Variants in SUN3 observed in about 807,000 individuals in gnomAD.
SUN3 encodes SUN domain-containing protein 3.
Under a neutral mutation model 48.2 loss-of-function variants are expected in SUN3, and 36 were observed. That is an observed-to-expected ratio of 0.75 (90% CI 0.57 to 0.99). The LOEUF (loss-of-function observed/expected upper bound fraction) is 0.99, where lower values mean the gene tolerates loss of function less well. SUN3 is among the 50% of genes least tolerant of loss of function. SUN3 has a pLI of 0.00. For synonymous variants in SUN3, 148 were observed against 147.9 expected, an observed-to-expected ratio of 1.00 and a Z score of 0.00; for missense variants, 419 against 433.1, an observed-to-expected ratio of 0.97 and a Z score of 0.29.
chr7:48,017,020 T>C (rs1789833209), intron 3 of SUN3, among the ~76,000 whole-genome samples: 1 of 152,218 alleles, frequency 6.6e-6, no homozygotes, highest in Admixed American at 6.5e-5. Context: ...AGAGCTCTTA[T>C]GACCCAATCA....
chr7:47,987,434 AT>A lies in SUN3; in HGVS notation c.969del (p.Glu323AspfsTer6). The A allele has an allele frequency of 6.4e-7, 1 of 1,568,844 alleles. No individual in the cohort carries two copies. Among genetic ancestry groups the A allele is most frequent in the Non-Finnish European group, 8.6e-7 (1 of 1,161,188 alleles). On this transcript the variant is annotated frameshift_variant, in exon 10 of 10. Transcript: ENST00000297325. LOFTEE classifies it high-confidence loss of function. ...ATATTAAGTTTCACACATAATAAAT[AT>A]TCAGAAACTGCATGCTGAAAATAAA... is the stretch of plus-strand genomic sequence containing the variant. Reference protein sequence around the residue: ...QTFELQHAVSEYLLCVKLNIF... With the variant: ...QTFELQHAVSXYLLCVKLNIF...
At position 47,988,809 on chromosome 7, in the gene SUN3, G is replaced by A. The variant is rs141242845; in HGVS notation, c.933C>T (p.Thr311=). 14 of 1,604,912 alleles carry A rather than the reference G, an allele frequency of 8.7e-6. No individual in the cohort carries two copies. The highest frequency in any genetic ancestry group is 1.7e-5 in the Admixed American group (1 of 59,020). Residue 311 remains threonine, a synonymous_variant, in exon 9 of 10, where the codon ACC becomes ACT. Coordinates refer to ENST00000297325, the MANE Select transcript of SUN3 (RefSeq NM_001030019.2). ...GQFIYNKTGT[T]VQTFELQHAV... ...TTACCTGGAGTTCAAATGTTTGAAC[G>A]GTGGTTCCTGTTTTGTTATATATAA...
chr7:48,004,905 C>T (rs1915961), intron 6 of SUN3, among the ~76,000 whole-genome samples: 9 of 152,274 alleles, frequency 5.9e-5, no homozygotes, highest in Non-Finnish European at 8.8e-5. Flanking sequence ...GAATTTTGTC[C>T]GGATTTTTTC....
intron 2 of SUN3, among the ~76,000 whole-genome samples, chr7:48,024,894 G>A (rs1790093993): frequency 1.3e-5 from 2 of 152,114 alleles, no homozygotes; most frequent in African/African-American, 4.8e-5. Context: ...CTTCCATTAG[G>A]CCCCCACCTG....
intron 3 of SUN3, among the ~76,000 whole-genome samples, chr7:48,009,515 G>A (rs1017063871): frequency 1.3e-5 from 2 of 152,126 alleles, no homozygotes; most frequent in African/African-American, 4.8e-5. Flanking sequence ...GAGCTCTTTG[G>A]GCTTGTCCCT....
intron 6 of SUN3, among the ~76,000 whole-genome samples, chr7:47,999,472 T>C (rs985117732): frequency 6.6e-6 from 1 of 152,128 alleles, no homozygotes; most frequent in Non-Finnish European, 1.5e-5. Flanking sequence ...TCTCTTTCTC[T>C]CCCAGTTTTT....
chr7:48,035,740 G>GGACC, the SUN3 span: 1 of 584,058 alleles, frequency 1.7e-6, no homozygotes, highest in South Asian at 2.0e-5. The surrounding 1 kb of genome is among the most constrained non-coding windows in gnomAD (Gnocchi z 4.0). Context: ...TGGAGGGAGG[G>GGACC]GACCACCTTG....
chr7:48,023,984 T>C (rs1790068344), intron 2 of SUN3, among the ~76,000 whole-genome samples: 2 of 152,208 alleles, frequency 1.3e-5, no homozygotes, highest in Non-Finnish European at 1.5e-5. Context: ...CAAAGATTCC[T>C]ATAGGGAAAG....
intron 2 of SUN3, among the ~76,000 whole-genome samples, chr7:48,023,315 G>A (rs529332961): frequency 6.6e-6 from 1 of 152,102 alleles, no homozygotes; most frequent in Admixed American, 6.5e-5. Context: ...AATAGGAGCA[G>A]AGTATTTGCA....
At chr7:48,031,295 T>C (rs920978709), upstream of SUN3, among the ~76,000 whole-genome samples, 5 of 152,200 alleles carry the variant, frequency 3.3e-5, no homozygotes, top group Admixed American at 6.5e-5. Flanking sequence ...TCAACATCAT[T>C]AATCATCAGG....
At chr7:48,026,293 A>C (rs922098659) in intron 1 of SUN3, among the ~76,000 whole-genome samples, 1 of 147,398 alleles carries the variant, frequency 6.8e-6, no homozygotes, top group African/African-American at 2.4e-5. Context: ...ACTAGCTACA[A>C]AAAAAGAAAA....
At chr7:47,988,963 T>C (rs1361405451) in intron 8 of SUN3, 83 bp from the exon 9 acceptor site, 2 of 767,838 alleles carry the variant, frequency 2.6e-6, no homozygotes, top group Non-Finnish European at 2.2e-6. Flanking sequence ...TCACCAAATA[T>C]CTCTGTGTGT....
chr7:48,028,993 ATTC>A lies in SUN3; in HGVS notation c.-58_-56del. 1 of 1,607,146 alleles carries A rather than the reference ATTC, an allele frequency of 6.2e-7. No individual in the cohort carries two copies. Among genetic ancestry groups the A allele is most frequent in the Non-Finnish European group, 8.5e-7 (1 of 1,178,030 alleles). On this transcript the variant is annotated 5_prime_UTR_variant, in exon 1 of 10. An upstream start codon of the reference 5' UTR is lost. Transcript: ENST00000297325. ...AGGATGAAGAGCAACATTTGTCCTC[ATTC>A]CTATTTTATGAAAAACATGAAGCTA...
the SUN3 span, chr7:48,035,384 A>C: frequency 1.6e-6 from 1 of 616,036 alleles, no homozygotes; most frequent in Non-Finnish European, 2.9e-6. This position sits in a 1 kb window ranked among gnomAD's most constrained non-coding sequence, Gnocchi z 4.0. Flanking sequence ...GGCAGTTGAC[A>C]GGCGGCGCCC....
chr7:48,033,291 T>C (rs1790275863), upstream of SUN3, among the ~76,000 whole-genome samples: 1 of 152,220 alleles, frequency 6.6e-6, no homozygotes, highest in African/African-American at 2.4e-5. Flanking sequence ...CTAGGTGTGG[T>C]GGCTCATGCC....
upstream of SUN3, among the ~76,000 whole-genome samples, chr7:48,032,097 C>T (rs1300093259): frequency 1.3e-5 from 2 of 152,144 alleles, no homozygotes; most frequent in South Asian, 2.1e-4. Flanking sequence ...TTGCCAGTGG[C>T]TGATGGGCAG....
intron 8 of SUN3, chr7:47,991,002 C>T (rs1035766617): frequency 2.2e-6 from 1 of 455,550 alleles, no homozygotes; most frequent in African/African-American, 2.0e-5. Context: ...TTGGGTATTA[C>T]TACTTACCGC....
intron 9 of SUN3, among the ~76,000 whole-genome samples, chr7:47,988,001 T>C (rs1259062459): frequency 6.6e-6 from 1 of 152,204 alleles, no homozygotes. Flanking sequence ...CTACACTCCT[T>C]GCTGGCTGTG....
At chr7:48,000,947 C>T (rs536378711) in intron 6 of SUN3, among the ~76,000 whole-genome samples, 7 of 151,778 alleles carry the variant, frequency 4.6e-5, no homozygotes, top group African/African-American at 1.4e-4. Context: ...TCATCTCCCT[C>T]TGAGACTACA....
Sources: allele counts gnomAD v4.1 joint callset (sites outside exome capture counted in the v4.1 genomes callset), GRCh38; gene constraint gnomAD v4.1.1; non-coding constraint Gnocchi (gnomAD v3.1); transcripts MANE v1.5; gene names NCBI Gene and HGNC (gene_info 2026-07-23, HGNC 2026-07-21).